Variants in ANO3 observed in about 807,000 individuals in gnomAD.
ANO3 encodes the protein anoctamin 3.
In ANO3, 99 loss-of-function variants were observed where a neutral mutation model predicts 144.8. The ratio of observed to expected loss-of-function variants is 0.68; its 90% CI spans 0.58 to 0.81. The LOEUF (loss-of-function observed/expected upper bound fraction) is 0.81. Among genes scored for constraint, ANO3 ranks in the 30% least tolerant of loss-of-function variants. ANO3 has a pLI of 0.00. For missense variants in ANO3, 905 were observed against 1,202.2 expected (o/e 0.75, Z 3.66); for synonymous variants, 414 against 392.6 (o/e 1.05, Z -0.64).
chr11:26,513,971 TA>T (rs149808805), intron 5 of ANO3, among the ~76,000 whole-genome samples: 1,922 of 152,100 alleles, frequency 0.013, 33 homozygotes, highest in African/African-American at 0.044. Flanking sequence ...AACCTCTGAA[TA>T]AGAACTCATA....
At chr11:26,390,707 ATAAAT>A (rs1170524249) in intron 1 of ANO3, among the ~76,000 whole-genome samples, 4 of 152,196 alleles carry the variant, frequency 2.6e-5, no homozygotes, top group African/African-American at 9.6e-5. Context: ...CACTGGCTGA[ATAAAT>A]TATATTACAT....
intron 5 of ANO3, among the ~76,000 whole-genome samples, chr11:26,516,091 C>G (rs369774814): frequency 2.6e-5 from 4 of 151,816 alleles, no homozygotes; most frequent in African/African-American, 7.2e-5. Context: ...GTATCAGATT[C>G]TCTGAGTATA....
chr11:26,575,689 C>T (rs1031078354), intron 14 of ANO3, among the ~76,000 whole-genome samples: 1 of 152,130 alleles, frequency 6.6e-6, no homozygotes, highest in African/African-American at 2.4e-5. Context: ...TTAGCGATTA[C>T]ACAATCATTT....
rs570768668 is a variant in ANO3 at position 26,661,274 on chromosome 11, G to C, written c.*830G>C. On this transcript the variant is annotated 3_prime_UTR_variant, in exon 27 of 27. Coordinates refer to ENST00000256737, the MANE Select transcript of ANO3 (RefSeq NM_031418.4). ...ACTAATCCATACTTTATTGTGGAAG[G>C]CTGTTTTATAGTTTATTTAATTTTT... 1 of 152,660 alleles carries C rather than the reference G, an allele frequency of 6.6e-6. No homozygotes were observed. The highest frequency in any genetic ancestry group is 1.9e-4 in the East Asian group (1 of 5,180). 9.5% of individuals were successfully genotyped at this position (152,660 alleles called of 1,614,324 possible). A position where few individuals can be genotyped will look rare whatever the true frequency, so the allele number is the denominator to read the frequency against.
chr11:26,509,529 T>C (rs1590435647), intron 5 of ANO3, among the ~76,000 whole-genome samples: 1 of 152,176 alleles, frequency 6.6e-6, no homozygotes, highest in South Asian at 2.1e-4. Flanking sequence ...GCCAGGCTGG[T>C]CTTGAACTTC....
At chr11:26,326,044 ATGACCAAGTGC>A (rs1854874423) in intron 1 of ANO3, among the ~76,000 whole-genome samples, 2 of 152,212 alleles carry the variant, frequency 1.3e-5, no homozygotes, top group South Asian at 4.1e-4. Flanking sequence ...GAGGCCCTCC[ATGACCAAGTGC>A]TGATTTTTTT....
At chr11:26,197,459 C>G (rs1214306769) in intron 1 of ANO3, among the ~76,000 whole-genome samples, 3 of 152,124 alleles carry the variant, frequency 2.0e-5, no homozygotes, top group Non-Finnish European at 4.4e-5. Flanking sequence ...AGTGATTCTC[C>G]TGCCTCAGCC....
Position 26,267,302 on chromosome 11 carries a change from A to G in ANO3, c.155-42343A>G, listed in dbSNP as rs74817597. Among the ~76,000 whole-genome samples the G allele has an allele frequency of 1.8e-3, 272 of 152,208 alleles. 6 individuals are homozygous for G. In the East Asian group the frequency reaches 0.049, roughly 28 times the overall value. On this transcript the variant is annotated intron_variant, in intron 1 of 27. Transcript: ENST00000672621. The stretch of plus-strand genomic sequence containing the variant: ...GTGTTCTCTTTGAAAGTATGTATGC[A>G]GAGTGTTTGTGACGATTCCCTAAAA...
intron 1 of ANO3, among the ~76,000 whole-genome samples, chr11:26,405,525 A>C (rs1857255741): frequency 6.6e-6 from 1 of 151,856 alleles, no homozygotes; most frequent in Non-Finnish European, 1.5e-5. Flanking sequence ...CCAATCTGCC[A>C]TTATTCCGTG....
At chr11:26,403,542 C>T (rs750852828) in intron 1 of ANO3, among the ~76,000 whole-genome samples, 34 of 151,838 alleles carry the variant, frequency 2.2e-4, no homozygotes, top group Admixed American at 3.9e-4. Context: ...TCCTCTAGCC[C>T]GGACTACTTC....
At chr11:26,645,706 G>A (rs1039691177) in intron 23 of ANO3, among the ~76,000 whole-genome samples, 6 of 151,998 alleles carry the variant, frequency 3.9e-5, no homozygotes, top group African/African-American at 1.2e-4. Flanking sequence ...GGCCTTTTTG[G>A]GGGGCAGAGG....
At chr11:26,213,250 T>C (rs1851970863) in intron 1 of ANO3, among the ~76,000 whole-genome samples, 1 of 152,126 alleles carries the variant, frequency 6.6e-6, no homozygotes, top group Admixed American at 6.5e-5. Flanking sequence ...TCTCCACTCC[T>C]ATTCAACATA....
At chr11:26,297,184 CGTGTGTGTGTGT>C (rs377447870) in intron 1 of ANO3, among the ~76,000 whole-genome samples, 6 of 146,338 alleles carry the variant, frequency 4.1e-5, no homozygotes, top group Non-Finnish European at 7.6e-5. Flanking sequence ...TCAACCATTG[CGTGTGTGTGTGT>C]GTGTGTGTGT....
intron 3 of ANO3, among the ~76,000 whole-genome samples, chr11:26,454,517 A>G (rs1859074378): frequency 6.6e-6 from 1 of 152,198 alleles, no homozygotes; most frequent in Non-Finnish European, 1.5e-5. Flanking sequence ...CTCTCCCAAG[A>G]CTAAACAAGG....
intron 20 of ANO3, among the ~76,000 whole-genome samples, chr11:26,638,177 G>A (rs968643389): frequency 6.6e-6 from 1 of 152,108 alleles, no homozygotes; most frequent in African/African-American, 2.4e-5. Context: ...ACCATCTTGA[G>A]AATGGGCTAG....
At chr11:26,464,280 T>A (rs1859520436) in intron 4 of ANO3, among the ~76,000 whole-genome samples, 1 of 151,806 alleles carries the variant, frequency 6.6e-6, no homozygotes, top group South Asian at 2.1e-4. Context: ...GCAAATCAGG[T>A]GTTTATCTTT....
At chr11:26,541,045 C>T (rs1400517601) in intron 10 of ANO3, among the ~76,000 whole-genome samples, 1 of 152,120 alleles carries the variant, frequency 6.6e-6, no homozygotes, top group Admixed American at 6.6e-5. Flanking sequence ...TGGAACCAAT[C>T]CAAATGCCCA....
intron 1 of ANO3, among the ~76,000 whole-genome samples, chr11:26,320,326 G>A (rs960140140): frequency 7.2e-5 from 11 of 152,134 alleles, no homozygotes; most frequent in African/African-American, 2.4e-4. Flanking sequence ...ATTCTCTTTT[G>A]ATTAGCTTTA....
At chr11:26,283,181 C>T (rs1021351794) in intron 1 of ANO3, among the ~76,000 whole-genome samples, 10 of 150,762 alleles carry the variant, frequency 6.6e-5, no homozygotes, top group Admixed American at 1.3e-4. Context: ...CTTTCAATTT[C>T]CTTTCTTATA....
Sources: gnomAD v4.1 joint callset for allele counts (sites outside exome capture counted in the v4.1 genomes callset) on GRCh38, gnomAD v4.1.1 for gene constraint, MANE v1.5 for transcripts, NCBI Gene and HGNC (gene_info 2026-07-23, HGNC 2026-07-21) for gene names.